The following EIF4G3 variants were observed in gnomAD, a reference collection of about 807,000 sequenced individuals.
EIF4G3 encodes the protein eIF-4-gamma 3.
EIF4G3 carries 34 observed loss-of-function variants against 186.4 expected under a neutral mutation model. The ratio of observed to expected loss-of-function variants is 0.18; its 90% CI spans 0.14 to 0.24. The LOEUF (loss-of-function observed/expected upper bound fraction) is 0.24, where lower values mean the gene tolerates loss of function less well. Ranked by LOEUF, EIF4G3 falls within the 10% of genes least tolerant of loss-of-function variation. EIF4G3 has a pLI of 1.00. For synonymous variants in EIF4G3, 673 were observed against 679.5 expected (o/e 0.99, Z 0.15); for missense variants, 1,536 against 1,948.5 (o/e 0.79, Z 3.99).
At chr1:20,966,740 C>T (rs1406612688) in intron 12 of EIF4G3, among the ~76,000 whole-genome samples, 1 of 152,078 alleles carries the variant, frequency 6.6e-6, no homozygotes, top group African/African-American at 2.4e-5. Context: ...TCCCAAAGTG[C>T]TAGGATTACA....
intron 4 of EIF4G3, among the ~76,000 whole-genome samples, chr1:21,011,609 T>C (rs556179971): frequency 6.6e-6 from 1 of 152,286 alleles, no homozygotes; most frequent in East Asian, 1.9e-4. Flanking sequence ...AAATACAAAA[T>C]ATTCCTTGAC....
chr1:20,871,290 A>G (rs2079128403), intron 20 of EIF4G3, among the ~76,000 whole-genome samples: 2 of 152,196 alleles, frequency 1.3e-5, no homozygotes, highest in Non-Finnish European at 2.9e-5. Context: ...CTGGGTTTTT[A>G]AACCTCAACA....
intron 4 of EIF4G3, among the ~76,000 whole-genome samples, chr1:21,034,971 C>A (rs918095269): frequency 1.3e-5 from 2 of 152,136 alleles, no homozygotes; most frequent in Non-Finnish European, 2.9e-5. Flanking sequence ...AACGACATCA[C>A]CCCTGCCCTG....
intron 24 of EIF4G3, 54 bp from the exon 25 acceptor site, chr1:20,857,551 T>G: frequency 7.3e-7 from 1 of 1,379,048 alleles, no homozygotes; most frequent in Non-Finnish European, 1.0e-6. Flanking sequence ...AGTTTTACAT[T>G]GAAAGAGTGA....
intron 18 of EIF4G3, among the ~76,000 whole-genome samples, chr1:20,887,455 C>A (rs529324203): frequency 2.2e-4 from 33 of 152,188 alleles, no homozygotes; most frequent in Admixed American, 3.3e-4. Flanking sequence ...AGCTGATAAG[C>A]TCAAACACCT....
chr1:21,138,646 C>T lies in EIF4G3; in HGVS notation c.-272+37529G>A, dbSNP rs1386232354. On this transcript the variant is annotated intron_variant, in intron 2 of 36. Coordinates refer to ENST00000602326, the MANE Select transcript of EIF4G3 (RefSeq NM_001391906.1). ...CAGCCTGGTCAACATGGCCAAACCCCGTCTCTACTAAAAATATAGCCAGGC... is the reference window on the plus strand; with the variant it reads ...CAGCCTGGTCAACATGGCCAAACCCTGTCTCTACTAAAAATATAGCCAGGC... 9.2e-5 allele frequency among the ~76,000 whole-genome samples: 14 copies of T among 152,084 alleles called. 1 individual carries two copies. Among genetic ancestry groups the T allele is most frequent in the Middle Eastern group, 3.4e-3 (1 of 292 alleles).
In EIF4G3 at chr1:21,128,533, C is replaced by T. The variant is rs114438774; in HGVS notation, c.-271-39320G>A. ...TCAAAAACAAAAAAAAAAGTTTCAA[C>T]ATTGTCAATTATATAACTTTGCTTT... On this transcript the variant is annotated intron_variant, in intron 2 of 36. Transcript: ENST00000602326. Among the ~76,000 whole-genome samples the T allele has an allele frequency of 6.2e-3, 941 of 152,176 alleles. 7 individuals are homozygous for T. The highest frequency in any genetic ancestry group is 0.01 in the Non-Finnish European group (700 of 67,998).
At chr1:20,870,469 TCAGGCATTTAC>T (rs1323182641) in intron 20 of EIF4G3, among the ~76,000 whole-genome samples, 1 of 152,170 alleles carries the variant, frequency 6.6e-6, no homozygotes, top group Non-Finnish European at 1.5e-5. Context: ...ATTCTTTCAT[TCAGGCATTTAC>T]CTACTCACTC....
At chr1:20,993,430 A>G (rs1163180423) in intron 7 of EIF4G3, among the ~76,000 whole-genome samples, 2 of 132,472 alleles carry the variant, frequency 1.5e-5, no homozygotes, top group African/African-American at 5.2e-5. Flanking sequence ...AGATTACTAA[A>G]CTGGATGATG....
At chr1:20,883,554 C>T (rs1158614350) in intron 19 of EIF4G3, among the ~76,000 whole-genome samples, 3 of 151,658 alleles carry the variant, frequency 2.0e-5, no homozygotes, top group African/African-American at 7.3e-5. Context: ...GAGGCGGAGG[C>T]TGCAGTGAGC....
In EIF4G3 at chr1:20,899,874, AC is replaced by A. The variant is rs2089702893; in HGVS notation, c.1821del (p.His609IlefsTer9). ...TCAGAGGGGTCTCTTTCAGGATGAA[AC>A]CCCTGGCTCATTTTATCTTGTTCAG... The part of the protein sequence containing the change: ...LESEQDKMSQ[G>X]FHPERDPSDL... On this transcript the variant is annotated frameshift_variant, in exon 16 of 37. Transcript: ENST00000602326. LOFTEE classifies it high-confidence loss of function. 6.2e-7 allele frequency: 1 copy of A among 1,613,796 alleles called. No individual in the cohort carries two copies. Among genetic ancestry groups the A allele is most frequent in the Admixed American group, 1.7e-5 (1 of 59,968 alleles).
In EIF4G3 at chr1:20,893,288, A is replaced by G. The variant is rs559531339; in HGVS notation, c.2253+229T>C. On this transcript the variant is annotated intron_variant, in intron 18 of 36. Coordinates refer to ENST00000602326, the MANE Select transcript of EIF4G3 (RefSeq NM_001391906.1). ...GGTCACCTCAATTGAAAAAATAGGG[A>G]AAAAAAAAATCAAGACCAAATTAAT... The G allele has an allele frequency of 9.8e-4, 299 of 305,748 alleles. 2 individuals carry two copies. Among genetic ancestry groups the G allele is most frequent in the Non-Finnish European group, 3.4e-4 (59 of 174,540 alleles). 18.9% of individuals were successfully genotyped at this position (305,748 alleles called of 1,614,324 possible). A position where few individuals can be genotyped will look rare whatever the true frequency, so the allele number is the denominator to read the frequency against.
At chr1:21,068,396 A>C (rs369973228) in intron 3 of EIF4G3, among the ~76,000 whole-genome samples, 2,724 of 148,804 alleles carry the variant, frequency 0.018, 69 homozygotes, top group Non-Finnish European at 0.026. Context: ...AAAAAAAAAA[A>C]AAAACAGAAT....
intron 3 of EIF4G3, among the ~76,000 whole-genome samples, chr1:21,067,322 G>A (rs1011067491): frequency 5.3e-5 from 8 of 151,570 alleles, no homozygotes; most frequent in South Asian, 2.1e-4. Flanking sequence ...TAGTAGAGAC[G>A]GGTTTTCACC....
At chr1:20,988,068 TC>T (rs1316772947) in intron 7 of EIF4G3, among the ~76,000 whole-genome samples, 1 of 152,140 alleles carries the variant, frequency 6.6e-6, no homozygotes, top group African/African-American at 2.4e-5. Flanking sequence ...CAAAATGTAA[TC>T]CAAAGCAAAG....
intron 34 of EIF4G3, among the ~76,000 whole-genome samples, chr1:20,815,455 C>G: frequency 7.0e-6 from 1 of 143,552 alleles, no homozygotes; most frequent in East Asian, 2.1e-4. Context: ...ATGTGAGGAG[C>G]GCCTCTGCTG....
chr1:20,957,053 G>GT (rs1286879312), intron 12 of EIF4G3, among the ~76,000 whole-genome samples: 5 of 152,134 alleles, frequency 3.3e-5, no homozygotes, highest in Non-Finnish European at 5.9e-5. Context: ...ATGAAATATT[G>GT]TTTTTTCTTT....
At chr1:20,952,433 C>T (rs940515905) in intron 12 of EIF4G3, among the ~76,000 whole-genome samples, 1 of 152,114 alleles carries the variant, frequency 6.6e-6, no homozygotes, top group Non-Finnish European at 1.5e-5. Context: ...GGATTACAGA[C>T]GTAAGCCACT....
At chr1:20,872,934 A>C (rs2079637089) in intron 20 of EIF4G3, among the ~76,000 whole-genome samples, 1 of 151,880 alleles carries the variant, frequency 6.6e-6, no homozygotes, top group African/African-American at 2.4e-5. Flanking sequence ...ATGGGGTTTC[A>C]CCATGTTGGC....
Sources: allele counts gnomAD v4.1 joint callset (sites outside exome capture counted in the v4.1 genomes callset), GRCh38; gene constraint gnomAD v4.1.1; transcripts MANE v1.5; gene names NCBI Gene and HGNC (gene_info 2026-07-23, HGNC 2026-07-21).